PTPRD: variants seen among roughly 807,000 people sequenced by gnomAD.
PTPRD encodes the protein protein tyrosine phosphatase receptor type D.
In PTPRD, 34 loss-of-function variants were observed where a neutral mutation model predicts 214.5. The observed-to-expected ratio is 0.16, with a 90% CI of 0.12 to 0.21. PTPRD has a LOEUF of 0.21. Ranked by LOEUF, PTPRD falls within the 10% of genes least tolerant of loss-of-function variation. The pLI is 1.00. For synonymous variants in PTPRD, 1,128 were observed against 845.7 expected (o/e 1.33, Z -5.79); for missense variants, 2,545 against 2,398.7 (o/e 1.06, Z -1.27).
intron 4 of PTPRD, among the ~76,000 whole-genome samples, chr9:9,965,317 A>T (rs548863172): frequency 6.6e-6 from 1 of 152,282 alleles, no homozygotes; most frequent in East Asian, 1.9e-4. Flanking sequence ...TTCTAAGAAG[A>T]AACAATATGT....
intron 3 of PTPRD, among the ~76,000 whole-genome samples, chr9:10,064,912 G>T (rs1263010145): frequency 6.6e-6 from 1 of 151,952 alleles, no homozygotes; most frequent in East Asian, 1.9e-4. Flanking sequence ...TATTAAAGGA[G>T]AATGCTGCAC....
At chr9:10,072,458 A>G (rs291319) in intron 3 of PTPRD, among the ~76,000 whole-genome samples, 11,480 of 152,102 alleles carry the variant, frequency 0.075, 1,432 homozygotes, top group African/African-American at 0.26. Flanking sequence ...GCACGAACCC[A>G]AAGAGAGAGC....
intron 36 of PTPRD, 46 bp from the exon 37 acceptor site, chr9:8,389,453 A>G (rs2088595531): frequency 2.0e-6 from 3 of 1,491,818 alleles, no homozygotes; most frequent in Non-Finnish European, 2.7e-6. Context: ...ACATCACAAG[A>G]GGAAACAGCC....
At chr9:10,355,071 T>C (rs1031253298) in intron 2 of PTPRD, among the ~76,000 whole-genome samples, 1 of 152,238 alleles carries the variant, frequency 6.6e-6, no homozygotes, top group Non-Finnish European at 1.5e-5. Flanking sequence ...TAAATCATTA[T>C]ATATTTCTAC....
At chr9:10,460,916 T>C (rs2098953628) in intron 2 of PTPRD, among the ~76,000 whole-genome samples, 1 of 151,940 alleles carries the variant, frequency 6.6e-6, no homozygotes, top group African/African-American at 2.4e-5. Context: ...AAAAGTTTCT[T>C]CTCAGCAAAA....
chr9:8,672,729 T>A (rs950224695), intron 12 of PTPRD, among the ~76,000 whole-genome samples: 2 of 152,004 alleles, frequency 1.3e-5, no homozygotes, highest in Admixed American at 6.6e-5. Context: ...GATGAACAGA[T>A]AAAAATGGCA....
intron 39 of PTPRD, among the ~76,000 whole-genome samples, chr9:8,371,318 C>G (rs977791875): frequency 6.6e-6 from 1 of 151,988 alleles, no homozygotes; most frequent in African/African-American, 2.4e-5. Flanking sequence ...TACTAAAATG[C>G]CATATGTAAT....
chr9:8,760,260 C>A (rs537130230), intron 11 of PTPRD, among the ~76,000 whole-genome samples: 2 of 152,064 alleles, frequency 1.3e-5, no homozygotes, highest in South Asian at 2.1e-4. Context: ...CACACAGATA[C>A]ACACACACAC....
intron 11 of PTPRD, among the ~76,000 whole-genome samples, chr9:8,769,881 G>A (rs1204789451): frequency 6.6e-6 from 1 of 151,810 alleles, no homozygotes; most frequent in African/African-American, 2.4e-5. Context: ...ATTGCAAGCT[G>A]GTAGATACAC....
intron 2 of PTPRD, among the ~76,000 whole-genome samples, chr9:10,570,899 A>G (rs1374752860): frequency 6.7e-6 from 1 of 148,230 alleles, no homozygotes; most frequent in Non-Finnish European, 1.5e-5. Flanking sequence ...TTTTTTGTAC[A>G]GGGTTACTAT....
At position 8,816,973 on chromosome 9, in the gene PTPRD, C is replaced by T. The variant is rs149991326; in HGVS notation, c.-103-83027G>A. ...ATCTGTGTTATAAGTGTAACTTACA[C>T]GGAAGAAATCCTAGCATTTACCACT... On this transcript the variant is annotated intron_variant, in intron 11 of 45. Coordinates refer to ENST00000381196, the MANE Select transcript of PTPRD (RefSeq NM_002839.4). Among the ~76,000 whole-genome samples, 33 of 152,270 alleles carry T rather than the reference C, an allele frequency of 2.2e-4. 1 individual carries two copies. In the South Asian group the frequency reaches 3.3e-3, roughly 15 times the overall value.
chr9:8,939,840 G>A (rs990513188), intron 11 of PTPRD, among the ~76,000 whole-genome samples: 7 of 151,810 alleles, frequency 4.6e-5, no homozygotes, highest in African/African-American at 7.2e-5. Context: ...TGTTGTACTT[G>A]GTGATAGTTT....
At chr9:8,640,563 A>AC (rs1450227056) in intron 12 of PTPRD, among the ~76,000 whole-genome samples, 10 of 78,904 alleles carry the variant, frequency 1.3e-4, no homozygotes, top group African/African-American at 5.4e-4. Flanking sequence ...CAAAAAAACA[A>AC]AAAAAAAAAA....
chr9:8,693,048 T>A (rs573358018), intron 12 of PTPRD, among the ~76,000 whole-genome samples: 1 of 152,306 alleles, frequency 6.6e-6, no homozygotes, highest in Non-Finnish European at 1.5e-5. Flanking sequence ...TTAAAAACAG[T>A]CAAAATTGTA....
At chr9:8,884,404 G>A (rs2098470064) in intron 11 of PTPRD, among the ~76,000 whole-genome samples, 1 of 152,200 alleles carries the variant, frequency 6.6e-6, no homozygotes, top group Non-Finnish European at 1.5e-5. Context: ...GGAAGGCACA[G>A]GAAAATGAGT....
chr9:8,809,634 C>G (rs1696150171), intron 11 of PTPRD, among the ~76,000 whole-genome samples: 3 of 152,130 alleles, frequency 2.0e-5, no homozygotes, highest in Admixed American at 2.0e-4. Context: ...GAGCAGATAC[C>G]TGAAAAATTC....
At chr9:8,905,271 G>A (rs570772730) in intron 11 of PTPRD, among the ~76,000 whole-genome samples, 2 of 151,796 alleles carry the variant, frequency 1.3e-5, no homozygotes, top group African/African-American at 4.8e-5. Context: ...TTCTGTTCCT[G>A]TTTTCATAGA....
chr9:8,699,636 A>T (rs1565379025), intron 12 of PTPRD, among the ~76,000 whole-genome samples: 1 of 152,214 alleles, frequency 6.6e-6, no homozygotes, highest in South Asian at 2.1e-4. Flanking sequence ...CATGAATATA[A>T]TTTCATATAC....
intron 3 of PTPRD, among the ~76,000 whole-genome samples, chr9:10,094,386 A>G (rs147553819): frequency 9.6e-4 from 146 of 151,458 alleles, no homozygotes; most frequent in African/African-American, 3.4e-3. Flanking sequence ...AGATTCATAG[A>G]GCCACTTGAA....
Sources: gnomAD v4.1 joint callset for allele counts (sites outside exome capture counted in the v4.1 genomes callset) on GRCh38, gnomAD v4.1.1 for gene constraint, MANE v1.5 for transcripts, NCBI Gene and HGNC (gene_info 2026-07-23, HGNC 2026-07-21) for gene names.